TRIM44: variants seen among roughly 807,000 people sequenced by gnomAD.
The protein encoded by TRIM44 is tripartite motif-containing protein 44.
A neutral mutation model predicts 37.4 loss-of-function variants in TRIM44; 13 were observed. The ratio of observed to expected loss-of-function variants is 0.35; its 90% CI spans 0.23 to 0.55. The LOEUF (loss-of-function observed/expected upper bound fraction) is 0.55. Ranked by LOEUF, TRIM44 falls within the 20% of genes least tolerant of loss-of-function variation. TRIM44 has a pLI of 0.89. For missense variants in TRIM44, 426 were observed against 437.2 expected, an observed-to-expected ratio of 0.97 and a Z score of 0.23; for synonymous variants, 175 against 157.2, an observed-to-expected ratio of 1.11 and a Z score of -0.85.
chr11:35,809,664 G>A lies in TRIM44; in HGVS notation c.*3279G>A, dbSNP rs972709306. ...TTCTGCTCTCTACTCAACTTTATTT[G>A]AAAATGTCTGCAGCTTCACTCCTGT... On this transcript the variant is annotated 3_prime_UTR_variant, in exon 5 of 5. Transcript: ENST00000299413. The A allele has an allele frequency of 6.6e-6, 1 of 152,068 alleles. No individual in the cohort carries two copies. Among genetic ancestry groups the A allele is most frequent in the African/African-American group, 2.4e-5 (1 of 41,398 alleles). The allele number at this position is 152,068 out of a possible 1,614,324, so 9.4% of individuals were successfully genotyped here. A position where few individuals can be genotyped will look rare whatever the true frequency, so the allele number is the denominator to read the frequency against.
At chr11:35,694,601 A>G (rs530291251) in intron 2 of TRIM44, among the ~76,000 whole-genome samples, 1 of 152,102 alleles carries the variant, frequency 6.6e-6, no homozygotes, top group African/African-American at 2.4e-5. Flanking sequence ...CAAAGATAAG[A>G]GTCTTATGAT....
intron 4 of TRIM44, among the ~76,000 whole-genome samples, chr11:35,742,510 TA>T (rs1852415339): frequency 7.7e-6 from 1 of 130,118 alleles, no homozygotes; most frequent in Non-Finnish European, 1.6e-5. Context: ...ATATTAAATA[TA>T]ATTATATTAA....
intron 4 of TRIM44, among the ~76,000 whole-genome samples, chr11:35,797,832 G>A (rs1853313465): frequency 6.6e-6 from 1 of 152,130 alleles, no homozygotes; most frequent in South Asian, 2.1e-4. Context: ...AGCAGGAAAG[G>A]GACTTTAGGG....
chr11:35,790,961 T>C (rs116671190), intron 4 of TRIM44, among the ~76,000 whole-genome samples: 1,947 of 152,316 alleles, frequency 0.013, 46 homozygotes, highest in African/African-American at 0.044. Context: ...TTCTCAGTTA[T>C]ACTCATCTGA....
At chr11:35,693,041 T>C (rs1375390743) in intron 2 of TRIM44, among the ~76,000 whole-genome samples, 1 of 152,062 alleles carries the variant, frequency 6.6e-6, no homozygotes, top group African/African-American at 2.4e-5. Context: ...TCAGAGAGAC[T>C]CCAGGGGTGC....
chr11:35,676,960 C>A (rs1430531664), intron 1 of TRIM44, among the ~76,000 whole-genome samples: 1 of 152,060 alleles, frequency 6.6e-6, no homozygotes, highest in African/African-American at 2.4e-5. Context: ...TTGTCTGTTG[C>A]TGAATTTTGT....
chr11:35,696,230 G>C (rs768214647), intron 2 of TRIM44, among the ~76,000 whole-genome samples: 1 of 149,010 alleles, frequency 6.7e-6, no homozygotes, highest in African/African-American at 2.5e-5. Flanking sequence ...TGCAAGCTCC[G>C]CCTCGGGTTC....
intron 4 of TRIM44, among the ~76,000 whole-genome samples, chr11:35,742,787 C>T (rs1248067332): frequency 7.0e-4 from 8 of 11,428 alleles, no homozygotes; most frequent in African/African-American, 2.7e-3. Context: ...TATAAATATA[C>T]AATTATATTA....
intron 4 of TRIM44, among the ~76,000 whole-genome samples, chr11:35,782,954 A>G (rs1352237376): frequency 6.6e-6 from 1 of 152,172 alleles, no homozygotes; most frequent in Non-Finnish European, 1.5e-5. Flanking sequence ...TTTACAGAAG[A>G]AGGAACATTT....
chr11:35,670,709 G>A (rs993668471), intron 1 of TRIM44, among the ~76,000 whole-genome samples: 2 of 152,082 alleles, frequency 1.3e-5, no homozygotes, highest in Non-Finnish European at 2.9e-5. Context: ...TATTTCTCTG[G>A]ATCTTTTTGG....
chr11:35,669,354 C>G (rs1851365810), intron 1 of TRIM44, among the ~76,000 whole-genome samples: 1 of 152,104 alleles, frequency 6.6e-6, no homozygotes, highest in African/African-American at 2.4e-5. Flanking sequence ...CTACCTTCCC[C>G]TTTGGATGTT....
At chr11:35,678,942 T>C (rs1851495227) in intron 1 of TRIM44, among the ~76,000 whole-genome samples, 1 of 151,932 alleles carries the variant, frequency 6.6e-6, no homozygotes, top group Non-Finnish European at 1.5e-5. Context: ...TTTTCCACAA[T>C]TTCTCCCAGA....
intron 4 of TRIM44, among the ~76,000 whole-genome samples, chr11:35,796,668 G>A (rs1238784426): frequency 6.6e-6 from 1 of 152,150 alleles, no homozygotes; most frequent in Non-Finnish European, 1.5e-5. Context: ...CTCATCACAG[G>A]AGATCGCCAG....
intron 2 of TRIM44, among the ~76,000 whole-genome samples, chr11:35,708,682 A>T (rs904641348): frequency 6.6e-6 from 1 of 151,624 alleles, no homozygotes; most frequent in Non-Finnish European, 1.5e-5. Context: ...AACACTGCAT[A>T]TTCTCACTCA....
chr11:35,765,824 AC>A (rs1293034777), intron 4 of TRIM44, among the ~76,000 whole-genome samples: 2 of 152,086 alleles, frequency 1.3e-5, no homozygotes, highest in African/African-American at 4.8e-5. Flanking sequence ...TTTCTTTTTA[AC>A]CATCCCCTAT....
chr11:35,735,808 A>AT (rs1372984842), intron 4 of TRIM44, among the ~76,000 whole-genome samples: 8 of 151,884 alleles, frequency 5.3e-5, no homozygotes, highest in Admixed American at 6.6e-5. Flanking sequence ...AATTAGATTG[A>AT]TTTTTTTAAT....
At chr11:35,695,191 G>C (rs1433269249) in intron 2 of TRIM44, among the ~76,000 whole-genome samples, 3 of 152,098 alleles carry the variant, frequency 2.0e-5, no homozygotes, top group Non-Finnish European at 4.4e-5. Flanking sequence ...TCTACGACGA[G>C]TCATGGAATG....
chr11:35,767,114 A>G (rs1049437176), intron 4 of TRIM44, among the ~76,000 whole-genome samples: 2 of 152,168 alleles, frequency 1.3e-5, no homozygotes, highest in Middle Eastern at 3.2e-3. Flanking sequence ...GAAAGACGTA[A>G]TGGAAACAAA....
intron 2 of TRIM44, among the ~76,000 whole-genome samples, chr11:35,700,203 G>A (rs1416157465): frequency 1.3e-5 from 2 of 152,176 alleles, no homozygotes; most frequent in African/African-American, 4.8e-5. Context: ...AGTGCTTTAA[G>A]TGCTTAAGAA....
Sources: gnomAD v4.1 joint callset for allele counts (sites outside exome capture counted in the v4.1 genomes callset) on GRCh38, gnomAD v4.1.1 for gene constraint, MANE v1.5 for transcripts, NCBI Gene and HGNC (gene_info 2026-07-23, HGNC 2026-07-21) for gene names.